PLEC: variants seen among roughly 807,000 people sequenced by gnomAD.
PLEC encodes plectin.
In PLEC, 216 loss-of-function variants were observed where a neutral mutation model predicts 392.8. That is an observed-to-expected ratio of 0.55 (90% CI 0.49 to 0.62). The LOEUF (loss-of-function observed/expected upper bound fraction) is 0.62. PLEC is among the 20% of genes least tolerant of loss of function. PLEC has a pLI of 0.00. For synonymous variants in PLEC, 3,621 were observed against 2,980.6 expected (o/e 1.21, Z -7.00); for missense variants, 6,863 against 6,563.4 (o/e 1.05, Z -1.58).
chr8:143,946,259 G>C (rs994183471), intron 1 of PLEC: 64 of 994,418 alleles, frequency 6.4e-5, no homozygotes, highest in South Asian at 6.0e-4. Context: ...TGACGGCACA[G>C]AACGGTGGAC....
At chr8:143,949,636 C>T (rs1831893786) in intron 1 of PLEC, among the ~76,000 whole-genome samples, 1 of 152,262 alleles carries the variant, frequency 6.6e-6, no homozygotes, top group South Asian at 2.1e-4. Flanking sequence ...CGCTTCTCCC[C>T]ATCCCGCCCA....
chr8:143,924,685 C>A lies in PLEC; in HGVS notation c.5244G>T (p.Gln1748His). ...GCTCGGCTTCCAGCTCCTGCCGTTT[C>A]TGCGTGGCTGCAGCCGCCTCACGCT... ...RLQREAAAATQKRQELEAELA... is the reference protein window; with the variant it reads ...RLQREAAAATHKRQELEAELA... Residue 1748 changes from glutamine to histidine, a missense_variant, in exon 31 of 32, where the codon CAG becomes CAT. Physicochemically the swap from Gln to His is conservative, Grantham distance 24 (BLOSUM62 0). Coordinates refer to ENST00000345136, the MANE Select transcript of PLEC (RefSeq NM_201384.3). 1 of 1,535,004 alleles carries A rather than the reference C, an allele frequency of 6.5e-7. No homozygotes were observed. Among genetic ancestry groups the A allele is most frequent in the Non-Finnish European group, 8.7e-7 (1 of 1,146,410 alleles).
chr8:143,973,303 C>T lies in PLEC; in HGVS notation c.70+100G>A, dbSNP rs1554744884. The T allele has an allele frequency of 3.1e-5, 45 of 1,447,768 alleles. No individual in the cohort carries two copies. The highest frequency in any genetic ancestry group is 2.1e-5 in the Non-Finnish European group (22 of 1,068,716). The allele number at this position is 1,447,768 out of a possible 1,614,324, so 89.7% of individuals were successfully genotyped here. A position where few individuals can be genotyped will look rare whatever the true frequency, so the allele number is the denominator to read the frequency against. ...GCGGACGAGGCCGGCGGAGTGGCCG[C>T]GCTCGGGCCGGCGATCGGGACCGCC... is the stretch of plus-strand genomic sequence containing the variant. On this transcript the variant is annotated intron_variant, in intron 1 of 31. Transcript: ENST00000356346. This position sits in a 1 kb window ranked among gnomAD's most constrained non-coding sequence, Gnocchi z 5.6.
upstream of PLEC, among the ~76,000 whole-genome samples, chr8:143,939,819 C>G (rs78700402): frequency 1.3e-5 from 2 of 151,976 alleles, no homozygotes; most frequent in Non-Finnish European, 2.9e-5. Context: ...CCTGGGGACA[C>G]GGGGAGCTGG....
chr8:143,927,694 C>T lies in PLEC; in HGVS notation c.3472G>A (p.Glu1158Lys). Reference sequence around the variant, plus strand: ...CGCTGCTGCAGTCGCTCCCCCACCTCCTGTGCCCCCCGCAGCTCATCCCGC... The same window carrying T: ...CGCTGCTGCAGTCGCTCCCCCACCTTCTGTGCCCCCCGCAGCTCATCCCGC... ...ALRDELRGAQ[E>K]VGERLQQRHG... Residue 1158 changes from glutamate to lysine, a missense_variant, in exon 27 of 32, where the codon GAG becomes AAG. Coordinates refer to ENST00000345136, the MANE Select transcript of PLEC (RefSeq NM_201384.3). 1 of 1,583,466 alleles carries T rather than the reference C, an allele frequency of 6.3e-7. No homozygotes were observed. Among genetic ancestry groups the T allele is most frequent in the African/African-American group, 1.3e-5 (1 of 74,282 alleles).
chr8:143,927,156 G>A lies in PLEC; in HGVS notation c.3841-75C>T, dbSNP rs1198638002. ...CTGCCCAGCCCCTAAACCCTCACAT[G>A]GGCTTTCCCTGGCATGGCCCAGGCT... On this transcript the variant is annotated intron_variant, in intron 28 of 31. Transcript: ENST00000345136. 4.5e-6 allele frequency: 7 copies of A among 1,563,356 alleles called. No individual in the cohort carries two copies. The Admixed American group carries it at 5.0e-5, about 11-fold the overall frequency.
At chr8:143,968,213 A>G (rs1418256898) in intron 1 of PLEC, among the ~76,000 whole-genome samples, 1 of 152,164 alleles carries the variant, frequency 6.6e-6, no homozygotes, top group Non-Finnish European at 1.5e-5. Context: ...CTTCTTAAAT[A>G]TGGCACCAAA....
chr8:143,950,537 G>A (rs376219705), exon 1 of PLEC: 2 of 1,607,820 alleles, frequency 1.2e-6, no homozygotes, highest in African/African-American at 1.3e-5. Context: ...CAGGCCCCGT[G>A]CCCGCAGGGA....
chr8:143,921,588 T>C lies in PLEC; in HGVS notation c.8233A>G (p.Asn2745Asp), dbSNP rs781970630. The C allele has an allele frequency of 6.2e-7, 1 of 1,612,596 alleles. No individual in the cohort carries two copies. Among genetic ancestry groups the C allele is most frequent in the Non-Finnish European group, 8.5e-7 (1 of 1,179,630 alleles). ...GCCTCGTTGACGGTCAGCCGCCGGT[T>C]CCGCACAGGGTCCAGCAGGAAGCCT... ...ASGFLLDPVR[N>D]RRLTVNEAVK... The change falls in exon 32 of 32, where the codon AAC becomes GAC. Residue 2745 changes from asparagine (N) to aspartate (D), a missense_variant. By Grantham distance (23) the Asn-to-Asp change is conservative. Transcript: ENST00000345136.
At chr8:143,946,085 G>A (rs1831425548) in intron 1 of PLEC, among the ~76,000 whole-genome samples, 1 of 152,266 alleles carries the variant, frequency 6.6e-6, no homozygotes, top group African/African-American at 2.4e-5. Flanking sequence ...CAATGGCCTG[G>A]GTGAGAACCA....
At chr8:143,955,618 G>A (rs1208496848), upstream of PLEC, among the ~76,000 whole-genome samples, 3 of 147,264 alleles carry the variant, frequency 2.0e-5, no homozygotes, top group African/African-American at 5.1e-5. Flanking sequence ...TTGTTTTTTT[G>A]AGACAAGGTC....
rs1554694300 is a variant in PLEC, at chr8:143,923,808, C to T, written c.6121G>A (p.Glu2041Lys). The change falls in exon 31 of 32, where the codon GAG (glutamate) becomes AAG (lysine). Residue 2041 changes from glutamate to lysine, a missense_variant. Physicochemically the swap from Glu to Lys is moderately conservative, Grantham distance 56 (BLOSUM62 1). Transcript: ENST00000345136. Reference sequence around the variant, plus strand: ...GCCTGCAGCCGCTTCTGGGCGGCCTCCTGGGCCAGCTGCAGCTGCCGCGCC... The same window carrying T: ...GCCTGCAGCCGCTTCTGGGCGGCCTTCTGGGCCAGCTGCAGCTGCCGCGCC... Reference protein sequence around the residue: ...ESARQLQLAQEAAQKRLQAEE... With the variant: ...ESARQLQLAQKAAQKRLQAEE... 6.3e-7 allele frequency: 1 copy of T among 1,581,400 alleles called. No individual in the cohort carries two copies. Among genetic ancestry groups the T allele is most frequent in the Middle Eastern group, 1.7e-4 (1 of 5,964 alleles).
In PLEC at chr8:143,921,288, C is replaced by G; in HGVS notation, c.8533G>C (p.Asp2845His). 6.2e-7 allele frequency: 1 copy of G among 1,614,056 alleles called. No homozygotes were observed. Among genetic ancestry groups the G allele is most frequent in the South Asian group, 1.1e-5 (1 of 91,086 alleles). The change falls in exon 32 of 32, where the codon GAC becomes CAC. Residue 2845 changes from aspartate (D) to histidine (H), a missense_variant. Transcript: ENST00000345136. ...FDEEMNRVLADPSDDTKGFFD... is the reference protein window; with the variant it reads ...FDEEMNRVLAHPSDDTKGFFD... Reference sequence around the variant, plus strand: ...AAGCCCTTGGTGTCGTCGCTGGGGTCCGCCAGGACGCGGTTCATCTCCTCG... The same window carrying G: ...AAGCCCTTGGTGTCGTCGCTGGGGTGCGCCAGGACGCGGTTCATCTCCTCG...
At position 143,923,984 on chromosome 8, in the gene PLEC, C is replaced by A; in HGVS notation, c.5945G>T (p.Arg1982Leu). 2 of 1,585,108 alleles carry A rather than the reference C, an allele frequency of 1.3e-6. No individual in the cohort carries two copies. The highest frequency in any genetic ancestry group is 1.1e-5 in the South Asian group (1 of 89,816). The change falls in exon 31 of 32, where the codon CGG becomes CTG. Residue 1982 changes from arginine to leucine, a missense_variant. Coordinates refer to ENST00000345136, the MANE Select transcript of PLEC (RefSeq NM_201384.3). Reference protein sequence around the residue: ...QRQLAAEEERRRREAEERVQK... With the variant: ...QRQLAAEEERLRREAEERVQK... The stretch of plus-strand genomic sequence containing the variant: ...CACGCGCTCCTCAGCCTCACGGCGC[C>A]GCCGCTCCTCCTCCGCCGCCAGCTG...
chr8:143,924,318 C>T lies in PLEC; in HGVS notation c.5611G>A (p.Glu1871Lys), dbSNP rs782008499. ...AENERLRRLA[E>K]DEAFQRRRLE... ...CGCCGCCGCTGGAAGGCCTCGTCCT[C>T]CGCCAGCCGCCGCAGGCGCTCGTTC... The change falls in exon 31 of 32, where the codon GAG becomes AAG. Residue 1871 changes from glutamate (E) to lysine (K), a missense_variant. Glu to Lys is a moderately conservative substitution (Grantham distance 56). Coordinates refer to ENST00000345136, the MANE Select transcript of PLEC (RefSeq NM_201384.3). 9.4e-6 allele frequency: 15 copies of T among 1,594,622 alleles called. No individual in the cohort carries two copies. The highest frequency in any genetic ancestry group is 2.2e-5 in the East Asian group (1 of 44,576).
chr8:143,967,564 G>A (rs1035821707), intron 1 of PLEC, among the ~76,000 whole-genome samples: 38 of 152,184 alleles, frequency 2.5e-4, no homozygotes, highest in Non-Finnish European at 5.3e-4. Flanking sequence ...CGGTATCAGC[G>A]GGAGATGGGT....
chr8:143,933,134 T>C, intron 13 of PLEC, 23 bp from the exon 14 acceptor site: 2 of 1,603,012 alleles, frequency 1.2e-6, no homozygotes, highest in Non-Finnish European at 1.7e-6. Context: ...AGGACTCAGG[T>C]AGGTGTTGGC....
chr8:143,926,040 G>A (rs1472137791), intron 30 of PLEC, among the ~76,000 whole-genome samples, 156 bp from the exon 31 acceptor site: 2 of 152,220 alleles, frequency 1.3e-5, no homozygotes, highest in Non-Finnish European at 2.9e-5. Context: ...GCGTGCACCC[G>A]CCCAGGGCGC....
intron 1 of PLEC, among the ~76,000 whole-genome samples, chr8:143,949,884 G>A (rs1044600949): frequency 6.6e-6 from 1 of 152,200 alleles, no homozygotes; most frequent in East Asian, 1.9e-4. Flanking sequence ...GGAGGCGGAG[G>A]GGGCGAAGGC....
Sources: gnomAD v4.1 joint callset for allele counts (sites outside exome capture counted in the v4.1 genomes callset) on GRCh38, gnomAD v4.1.1 for gene constraint, Gnocchi (gnomAD v3.1) non-coding constraint, MANE v1.5 for transcripts, NCBI Gene and HGNC (gene_info 2026-07-23, HGNC 2026-07-21) for gene names.